The following IL22RA1 variants were observed in gnomAD, a reference collection of about 807,000 sequenced individuals.
IL22RA1 encodes interleukin-22 receptor subunit alpha-1.
In IL22RA1, 25 loss-of-function variants were observed where a neutral mutation model predicts 32.8. The ratio of observed to expected loss-of-function variants is 0.76; its 90% CI spans 0.55 to 1.06. IL22RA1 has a LOEUF of 1.06. IL22RA1 is among the 50% of genes least tolerant of loss of function. The pLI is 0.00. For missense variants in IL22RA1, 709 were observed against 727.4 expected, an observed-to-expected ratio of 0.97 and a Z score of 0.29; for synonymous variants, 305 against 305.0, an observed-to-expected ratio of 1.00 and a Z score of 0.00.
intron 2 of IL22RA1, among the ~76,000 whole-genome samples, chr1:24,137,843 A>T (rs74395457): frequency 0.016 from 2,435 of 152,326 alleles, 68 homozygotes; most frequent in African/African-American, 0.056. Flanking sequence ...CAAACAAAGA[A>T]GATGAGGCTC....
At chr1:24,141,258 G>A (rs961835371) in intron 1 of IL22RA1, among the ~76,000 whole-genome samples, 2 of 152,214 alleles carry the variant, frequency 1.3e-5, no homozygotes, top group African/African-American at 4.8e-5. Context: ...ATTGGGGTCA[G>A]TTCTGGAGGG....
At chr1:24,123,182 G>C in intron 6 of IL22RA1, 120 bp downstream of exon 6, 1 of 1,399,512 alleles carries the variant, frequency 7.1e-7, no homozygotes, top group Non-Finnish European at 9.5e-7. Context: ...TCCGTGAATG[G>C]AGAGAGCAGG....
At chr1:24,142,488 A>G (rs1272149214) in intron 1 of IL22RA1, among the ~76,000 whole-genome samples, 1 of 152,178 alleles carries the variant, frequency 6.6e-6, no homozygotes, top group Non-Finnish European at 1.5e-5. Flanking sequence ...CCTGTGTCTT[A>G]AGACCTATTA....
At chr1:24,123,464 G>A (rs1644140008) in intron 5 of IL22RA1, 41 bp from the exon 6 acceptor site, 1 of 1,599,718 alleles carries the variant, frequency 6.3e-7, no homozygotes, top group African/African-American at 1.3e-5. Flanking sequence ...CGTGAGGCTG[G>A]GCTCTGCCTG....
At chr1:24,138,136 G>A (rs75824728) in intron 2 of IL22RA1, among the ~76,000 whole-genome samples, 11,122 of 152,268 alleles carry the variant, frequency 0.073, 508 homozygotes, top group Non-Finnish European at 0.1. Context: ...GAACAGGAGC[G>A]TGGGCTAGAG....
intron 1 of IL22RA1, among the ~76,000 whole-genome samples, chr1:24,140,081 T>G (rs1644269989): frequency 6.6e-6 from 1 of 152,188 alleles, no homozygotes; most frequent in Non-Finnish European, 1.5e-5. Context: ...CAAACAACAA[T>G]GACAACAGCA....
intron 4 of IL22RA1, among the ~76,000 whole-genome samples, chr1:24,130,659 G>T (rs1225152065): frequency 1.3e-5 from 2 of 152,186 alleles, no homozygotes; most frequent in African/African-American, 4.8e-5. Flanking sequence ...CAAGAGAAAA[G>T]ATAATAGTGA....
At chr1:24,137,481 C>T (rs1644250366) in intron 2 of IL22RA1, among the ~76,000 whole-genome samples, 172 bp from the exon 3 acceptor site, 1 of 151,770 alleles carries the variant, frequency 6.6e-6, no homozygotes, top group Admixed American at 6.6e-5. Flanking sequence ...GAGGCATATG[C>T]ATTCTTCTCT....
chr1:24,138,615 G>A lies in IL22RA1; in HGVS notation c.143C>T (p.Thr48Ile), dbSNP rs921306784. The A allele has an allele frequency of 6.2e-7, 1 of 1,614,032 alleles. No homozygotes were observed. Among genetic ancestry groups the A allele is most frequent in the African/African-American group, 1.3e-5 (1 of 74,912 alleles). Residue 48 changes from threonine to isoleucine, a missense_variant, in exon 2 of 7, where the codon ACC becomes ATC. Coordinates refer to ENST00000270800, the MANE Select transcript of IL22RA1 (RefSeq NM_021258.4). Reference sequence around the variant, plus strand: ...CTCGATGCTGTAGACCGTGTCTGGGGTGCCCTCCGGCCCGCTGTCCCACGT... The same window carrying A: ...CTCGATGCTGTAGACCGTGTCTGGGATGCCCTCCGGCCCGCTGTCCCACGT... ...ILTWDSGPEG[T>I]PDTVYSIEYK...
chr1:24,134,131 T>A, intron 4 of IL22RA1, 80 bp downstream of exon 4: 1 of 1,268,318 alleles, frequency 7.9e-7, no homozygotes. Context: ...GTCCCCTTTT[T>A]TTCTTAAAGC....
At chr1:24,134,754 G>T in intron 3 of IL22RA1, 2 of 694,332 alleles carry the variant, frequency 2.9e-6, no homozygotes, top group Non-Finnish European at 3.5e-6. Flanking sequence ...ACAGCTTTGG[G>T]GATGTCAATG....
intron 5 of IL22RA1, among the ~76,000 whole-genome samples, chr1:24,127,016 CAAA>C (rs59069321): frequency 0.014 from 1,021 of 72,824 alleles, 15 homozygotes; most frequent in African/African-American, 0.048. Context: ...ACTAAAAATA[CAAA>C]AAAAAAAAAA....
Position 24,121,069 on chromosome 1 carries a change from C to T in IL22RA1, c.1461G>A (p.Gly487=). 1 of 1,614,148 alleles carries T rather than the reference C, an allele frequency of 6.2e-7. No individual in the cohort carries two copies. Residue 487 remains glycine (G), a synonymous_variant, in exon 7 of 7, where the codon GGG becomes GGA. Coordinates refer to ENST00000270800, the MANE Select transcript of IL22RA1 (RefSeq NM_021258.4). ...DPNVLHSGEE[G]TPQYLKGQLP... The stretch of plus-strand genomic sequence containing the variant: ...GCTGGCCCTTTAGGTACTGTGGTGT[C>T]CCTTCCTCCCCACTGTGTAGCACAT...
chr1:24,134,226 G>A lies in IL22RA1; in HGVS notation c.516C>T (p.Asn172=), dbSNP rs1209203022. Reference sequence around the variant, plus strand: ...ATACACTCACCATTTGGTAGGTGCGGTTGACCTGGAGCTCTAAGTGGTAGA... The same window carrying A: ...ATACACTCACCATTTGGTAGGTGCGATTGACCTGGAGCTCTAAGTGGTAGA... ...DLFYHLELQV[N]RTYQMHLGGK... is the part of the protein sequence containing the mutation. The change falls in exon 4 of 7, where the codon AAC becomes AAT. Residue 172 remains asparagine, a synonymous_variant. Transcript: ENST00000270800. 1.2e-6 allele frequency: 2 copies of A among 1,611,630 alleles called. No individual in the cohort carries two copies. Among genetic ancestry groups the A allele is most frequent in the Non-Finnish European group, 1.7e-6 (2 of 1,178,800 alleles).
At chr1:24,133,362 T>A (rs1473736927) in intron 4 of IL22RA1, among the ~76,000 whole-genome samples, 1 of 152,080 alleles carries the variant, frequency 6.6e-6, no homozygotes, top group African/African-American at 2.4e-5. Flanking sequence ...CTATAGCTAT[T>A]TGAATTCTTG....
chr1:24,134,667 C>T (rs1252718354), intron 3 of IL22RA1, among the ~76,000 whole-genome samples: 1 of 152,094 alleles, frequency 6.6e-6, no homozygotes, highest in East Asian at 1.9e-4. Context: ...TTTGGCTTGC[C>T]CCCACACATC....
intron 4 of IL22RA1, among the ~76,000 whole-genome samples, chr1:24,133,752 C>T (rs543832827): frequency 6.6e-6 from 1 of 152,092 alleles, no homozygotes; most frequent in Non-Finnish European, 1.5e-5. Flanking sequence ...GCAAAAAAAG[C>T]AGCTTCTCTG....
intron 2 of IL22RA1, among the ~76,000 whole-genome samples, chr1:24,137,784 TGAG>T (rs1388106311): frequency 6.6e-6 from 1 of 152,184 alleles, no homozygotes; most frequent in African/African-American, 2.4e-5. Context: ...CTGAAAGTGC[TGAG>T]ATTATAGGTG....
At chr1:24,124,237 C>G (rs1182987751) in intron 5 of IL22RA1, among the ~76,000 whole-genome samples, 1 of 152,112 alleles carries the variant, frequency 6.6e-6, no homozygotes, top group Non-Finnish European at 1.5e-5. Context: ...AGGGTAGAGG[C>G]AGAGGGAGGG....
Sources: allele counts gnomAD v4.1 joint callset (sites outside exome capture counted in the v4.1 genomes callset), GRCh38; gene constraint gnomAD v4.1.1; transcripts MANE v1.5; gene names NCBI Gene and HGNC (gene_info 2026-07-23, HGNC 2026-07-21).